DMXL2: variants seen among roughly 807,000 people sequenced by gnomAD.
The protein encoded by DMXL2 is dmX-like protein 2.
Under a neutral mutation model 331.1 loss-of-function variants are expected in DMXL2, and 103 were observed. The ratio of observed to expected loss-of-function variants is 0.31; its 90% confidence interval spans 0.27 to 0.37. DMXL2 has a LOEUF of 0.37. Among genes scored for constraint, DMXL2 ranks in the 10% least tolerant of loss-of-function variants. The pLI is 1.00. For synonymous variants in DMXL2, 1,281 were observed against 1,252.1 expected, an observed-to-expected ratio of 1.02 and a Z score of -0.49; for missense variants, 3,171 against 3,642.9, an observed-to-expected ratio of 0.87 and a Z score of 3.33.
At position 51,591,749 on chromosome 15, in the gene DMXL2, G is replaced by A. The variant is rs116444451; in HGVS notation, c.88-15568C>T. Among the ~76,000 whole-genome samples the A allele has an allele frequency of 3.8e-3, 576 of 152,258 alleles. 3 individuals carry two copies. Among genetic ancestry groups the A allele is most frequent in the African/African-American group, 0.013 (547 of 41,548 alleles). ...GACAAAACTTCCAGAGGAACGATCC[G>A]CTGTTCACCAATATCCGCTGTTCTG... is the stretch of plus-strand genomic sequence containing the variant. On this transcript the variant is annotated intron_variant, in intron 1 of 43. Coordinates refer to ENST00000560891, the MANE Select transcript of DMXL2 (RefSeq NM_001378457.1).
chr15:51,525,262 G>C (rs1200741087), intron 13 of DMXL2, among the ~76,000 whole-genome samples: 1 of 152,004 alleles, frequency 6.6e-6, no homozygotes, highest in East Asian at 1.9e-4. Flanking sequence ...ACTGTGCCAG[G>C]GGTCTTGGAT....
chr15:51,470,122 G>C (rs957306628), intron 29 of DMXL2, among the ~76,000 whole-genome samples: 2 of 152,110 alleles, frequency 1.3e-5, no homozygotes, highest in African/African-American at 2.4e-5. Flanking sequence ...CACACTTTGA[G>C]AACCACTGAC....
Position 51,458,708 on chromosome 15 carries a change from C to T in DMXL2, c.8076+1G>A. On this transcript the variant is annotated splice_donor_variant, in intron 35 of 43. Coordinates refer to ENST00000560891, the MANE Select transcript of DMXL2 (RefSeq NM_001378457.1). LOFTEE classifies it high-confidence loss of function. ...CTGTGTATAATGATGAGAGCTTTTA[C>T]CTTATTAACAGAAAATGCCATGATC... is the stretch of plus-strand genomic sequence containing the variant. 6.2e-7 allele frequency: 1 copy of T among 1,613,938 alleles called. No homozygotes were observed. The highest frequency in any genetic ancestry group is 8.5e-7 in the Non-Finnish European group (1 of 1,179,886).
At chr15:51,606,148 C>T (rs1377453148) in intron 1 of DMXL2, among the ~76,000 whole-genome samples, 1 of 152,178 alleles carries the variant, frequency 6.6e-6, no homozygotes, top group South Asian at 2.1e-4. Flanking sequence ...GATTAATCCA[C>T]ATAACATTAG....
At position 51,538,301 on chromosome 15, in the gene DMXL2, T is replaced by C. The variant is rs1459654084; in HGVS notation, c.1257A>G (p.Val419=). The change falls in exon 10 of 44, where the codon GTA becomes GTG. Residue 419 remains valine, a synonymous_variant. Coordinates refer to ENST00000560891, the MANE Select transcript of DMXL2 (RefSeq NM_001378457.1). ...TATCTGCATCATCATTTTCATGATC[T>C]ACCTGCTTATCAGAAAGTTTTCGTA... ...HQLRKLSDKQ[V]DHENDDADRE... is the part of the protein sequence containing the mutation. The C allele has an allele frequency of 6.8e-6, 11 of 1,613,820 alleles. No homozygotes were observed. The highest frequency in any genetic ancestry group is 9.3e-6 in the Non-Finnish European group (11 of 1,179,782).
chr15:51,482,371 T>C (rs2042079110), intron 23 of DMXL2, among the ~76,000 whole-genome samples: 1 of 152,172 alleles, frequency 6.6e-6, no homozygotes, highest in Non-Finnish European at 1.5e-5. Context: ...AATAACTATG[T>C]TCATGCCATG....
intron 1 of DMXL2, among the ~76,000 whole-genome samples, chr15:51,576,971 A>G (rs773160250): frequency 1.3e-5 from 2 of 152,210 alleles, no homozygotes; most frequent in Non-Finnish European, 2.9e-5. Context: ...GAGTAAAACC[A>G]CACATTTCTT....
rs1323012616 is a variant in DMXL2, at chr15:51,480,837, T to A, written c.6269A>T (p.His2090Leu). The A allele has an allele frequency of 1.2e-6, 2 of 1,612,832 alleles. No homozygotes were observed. The highest frequency in any genetic ancestry group is 1.1e-5 in the South Asian group (1 of 90,820). ...EIAALHEICN[H>L]ESVIKEYSSK... ...GGAATACTCTTTAATAACTGATTCA[T>A]GATTACATATCTCATGCAAGGCAGC... The change falls in exon 24 of 44, where the codon CAT (histidine) becomes CTT (leucine). Residue 2090 changes from histidine (H) to leucine (L), a missense_variant. This residue lies in a region of DMXL2 where 197 missense variants were observed against 196.2 expected (regional missense o/e 1.00). Transcript: ENST00000560891.
At chr15:51,454,879 G>GA (rs1412386312) in intron 40 of DMXL2, among the ~76,000 whole-genome samples, 9 of 151,668 alleles carry the variant, frequency 5.9e-5, no homozygotes, top group Non-Finnish European at 8.8e-5. Flanking sequence ...TAATAATAAT[G>GA]AAAAAAAACC....
At chr15:51,619,528 T>C (rs2054499537) in intron 1 of DMXL2, among the ~76,000 whole-genome samples, 1 of 152,168 alleles carries the variant, frequency 6.6e-6, no homozygotes, top group South Asian at 2.1e-4. Context: ...AATTGGGACA[T>C]CACGACATCA....
In DMXL2 at chr15:51,536,627, T is replaced by C. The variant is rs112903439; in HGVS notation, c.1853A>G (p.Asp618Gly). The C allele has an allele frequency of 6.2e-7, 1 of 1,614,094 alleles. No individual in the cohort carries two copies. Residue 618 changes from aspartate to glycine, a missense_variant, in exon 12 of 44, where the codon GAT becomes GGT. This residue lies in a region of DMXL2 where 1,674 missense variants were observed against 1,780.2 expected (regional missense o/e 0.94). Transcript: ENST00000560891. ...GACTGCCCACTGATTTAAAGAACCA[T>C]CTATGTGTTTAGAGATCATCATTAC... The part of the protein sequence containing the change: ...PTVMMISKHI[D>G]GSLNQWAVTF...
intron 17 of DMXL2, among the ~76,000 whole-genome samples, chr15:51,500,980 T>C (rs763749646): frequency 1.3e-5 from 2 of 152,240 alleles, no homozygotes; most frequent in Non-Finnish European, 2.9e-5. Context: ...ATCTAAACAA[T>C]TGGGATCAGT....
chr15:51,523,554 G>A (rs761397078), intron 13 of DMXL2, among the ~76,000 whole-genome samples: 2 of 152,170 alleles, frequency 1.3e-5, no homozygotes, highest in African/African-American at 4.8e-5. Flanking sequence ...GACATAACTA[G>A]TTTAAAAAAA....
intron 1 of DMXL2, among the ~76,000 whole-genome samples, chr15:51,587,323 C>T (rs1044489083): frequency 2.6e-5 from 4 of 152,096 alleles, no homozygotes; most frequent in African/African-American, 7.2e-5. Context: ...CCCCCGTCCC[C>T]CCACCCCACA....
intron 23 of DMXL2, among the ~76,000 whole-genome samples, chr15:51,484,474 A>G (rs908287068): frequency 1.3e-5 from 2 of 152,194 alleles, no homozygotes; most frequent in South Asian, 2.1e-4. Flanking sequence ...TTACAGGTGA[A>G]GAAGCTACAT....
intron 33 of DMXL2, among the ~76,000 whole-genome samples, chr15:51,462,199 T>C (rs747313826): frequency 1.3e-5 from 2 of 152,182 alleles, no homozygotes; most frequent in African/African-American, 4.8e-5. Flanking sequence ...TAGGTTCCAC[T>C]GCCCTGGGCA....
At chr15:51,611,145 AAAT>A (rs1372183936) in intron 1 of DMXL2, among the ~76,000 whole-genome samples, 1 of 152,086 alleles carries the variant, frequency 6.6e-6, no homozygotes, top group Non-Finnish European at 1.5e-5. Context: ...ATAAAATAGA[AAAT>A]AAGTATATAA....
chr15:51,450,277 C>CCCGAGATT lies in DMXL2; in HGVS notation c.8811_8818dup (p.Gly2940GlufsTer52). On this transcript the variant is annotated frameshift_variant, in exon 43 of 44. Coordinates refer to ENST00000560891, the MANE Select transcript of DMXL2 (RefSeq NM_001378457.1). LOFTEE classifies it high-confidence loss of function. The stretch of plus-strand genomic sequence containing the variant: ...AATGCAGACGTGTCCTTTCCTACCC[C>CCCGAGATT]CCGAGATTAGGAGTTGCTGTTTGGG... 6.2e-7 allele frequency: 1 copy of CCCGAGATT among 1,613,970 alleles called. No individual in the cohort carries two copies. The highest frequency in any genetic ancestry group is 8.5e-7 in the Non-Finnish European group (1 of 1,179,990).
At chr15:51,534,548 T>C (rs1013720649) in intron 13 of DMXL2, among the ~76,000 whole-genome samples, 4 of 152,126 alleles carry the variant, frequency 2.6e-5, no homozygotes, top group Non-Finnish European at 4.4e-5. Flanking sequence ...AGATGACAAA[T>C]TGGCAGGAAT....
Sources: gnomAD v4.1 joint callset for allele counts (sites outside exome capture counted in the v4.1 genomes callset) on GRCh38, gnomAD v4.1.1 for gene constraint, gnomAD v4.1.1 regional missense constraint, MANE v1.5 for transcripts, NCBI Gene and HGNC (gene_info 2026-07-23, HGNC 2026-07-21) for gene names.